Variants in ARMH3 observed in about 807,000 individuals in gnomAD.
The protein encoded by ARMH3 is armadillo-like helical domain-containing protein 3.
In ARMH3, 60 loss-of-function variants were observed where a neutral mutation model predicts 99.1. That is an observed-to-expected ratio of 0.61 (90% confidence interval 0.49 to 0.75). The LOEUF (loss-of-function observed/expected upper bound fraction) is 0.75, where lower values mean the gene tolerates loss of function less well. Ranked by LOEUF, ARMH3 falls within the 30% of genes least tolerant of loss-of-function variation. The pLI is 0.00. For synonymous variants in ARMH3, 285 were observed against 292.8 expected (o/e 0.97, Z 0.27); for missense variants, 679 against 843.1 (o/e 0.81, Z 2.41).
rs763849426 is a variant in ARMH3 at position 101,915,897 on chromosome 10, G to A, written c.1781+23966C>T. 2.8e-5 allele frequency among the ~76,000 whole-genome samples: 4 copies of A among 144,522 alleles called. 1 individual carries two copies. The highest frequency in any genetic ancestry group is 7.3e-5 in the Admixed American group (1 of 13,782). 94.8% of individuals were successfully genotyped at this position (144,522 alleles called of 152,430 possible). On this transcript the variant is annotated intron_variant, in intron 23 of 25. Coordinates refer to ENST00000370033, the MANE Select transcript of ARMH3 (RefSeq NM_024541.3). ...CGGCTCACTGCAAGCTCCACCTCCC[G>A]GGTTCATGCCATTCTCCTGCCTCAG...
chr10:102,032,445 G>A (rs577906444), intron 4 of ARMH3, among the ~76,000 whole-genome samples: 2 of 152,162 alleles, frequency 1.3e-5, no homozygotes, highest in African/African-American at 4.8e-5. Flanking sequence ...CTGTTGCCCA[G>A]GCTGGGGTGC....
chr10:101,918,635 T>C (rs1843181302), intron 23 of ARMH3, among the ~76,000 whole-genome samples: 1 of 152,224 alleles, frequency 6.6e-6, no homozygotes, highest in African/African-American at 2.4e-5. Context: ...AGCAACAGTA[T>C]GGCCTGATTA....
At chr10:102,029,384 G>C in intron 5 of ARMH3, 2 of 1,343,730 alleles carry the variant, frequency 1.5e-6, no homozygotes, top group Non-Finnish European at 2.0e-6. Flanking sequence ...ATGATCATAT[G>C]ATACGAGTAA....
intron 1 of ARMH3, among the ~76,000 whole-genome samples, chr10:102,055,232 G>C (rs990463482): frequency 6.6e-6 from 1 of 151,998 alleles, no homozygotes; most frequent in African/African-American, 2.4e-5. Context: ...CGGAGGCAGA[G>C]GTTGTGGTAA....
chr10:101,967,687 G>C (rs940770945), intron 20 of ARMH3, among the ~76,000 whole-genome samples: 2 of 152,110 alleles, frequency 1.3e-5, no homozygotes, highest in African/African-American at 4.8e-5. Context: ...CGGTGAGCTG[G>C]GATCGCGCCA....
chr10:101,979,562 G>T (rs1222597548), intron 19 of ARMH3, among the ~76,000 whole-genome samples: 1 of 152,070 alleles, frequency 6.6e-6, no homozygotes, highest in African/African-American at 2.4e-5. Context: ...ATTGAAAATG[G>T]TCTAAAATTA....
intron 22 of ARMH3, among the ~76,000 whole-genome samples, chr10:101,949,456 T>C (rs1160575384): frequency 6.6e-6 from 1 of 152,086 alleles, no homozygotes; most frequent in Non-Finnish European, 1.5e-5. Flanking sequence ...AACAACTGTA[T>C]GCCCCATAAA....
At chr10:101,956,510 G>C (rs1055262864) in intron 22 of ARMH3, 87 bp downstream of exon 22, 1 of 1,512,508 alleles carries the variant, frequency 6.6e-7, no homozygotes, top group Non-Finnish European at 9.0e-7. Flanking sequence ...CAAACAACTA[G>C]AGGAGAATCT....
intron 20 of ARMH3, among the ~76,000 whole-genome samples, chr10:101,969,551 T>C (rs943594601): frequency 1.2e-4 from 19 of 152,234 alleles, no homozygotes; most frequent in African/African-American, 4.6e-4. Context: ...CAAGAAGTCA[T>C]AGGCCTCTGC....
chr10:101,918,263 A>G (rs1479981864), intron 23 of ARMH3, among the ~76,000 whole-genome samples: 3 of 152,198 alleles, frequency 2.0e-5, no homozygotes, highest in Admixed American at 6.5e-5. Context: ...CATGTTGGCC[A>G]GGCTGGTCTC....
intron 23 of ARMH3, among the ~76,000 whole-genome samples, chr10:101,939,611 T>C (rs1405825315): frequency 1.3e-5 from 2 of 152,178 alleles, no homozygotes; most frequent in Admixed American, 1.3e-4. Flanking sequence ...CTAGCATGCC[T>C]GAAAAGGGCT....
chr10:101,867,134 GA>G (rs1476472694), intron 24 of ARMH3, among the ~76,000 whole-genome samples: 1 of 152,150 alleles, frequency 6.6e-6, no homozygotes, highest in Non-Finnish European at 1.5e-5. Flanking sequence ...GTCTTGAAAG[GA>G]AAAGAAAAAC....
chr10:101,864,078 AACACACACACAC>A, intron 24 of ARMH3, among the ~76,000 whole-genome samples: 1 of 106,284 alleles, frequency 9.4e-6, no homozygotes, highest in Admixed American at 1.1e-4. Flanking sequence ...AAAAAAAAAA[AACACACACACAC>A]ACACACACAC....
chr10:101,852,495 C>T (rs758981889), intron 24 of ARMH3, among the ~76,000 whole-genome samples: 2 of 152,248 alleles, frequency 1.3e-5, no homozygotes, highest in African/African-American at 4.8e-5. Context: ...GTGGCTCACG[C>T]CTGTAATCCC....
intron 19 of ARMH3, among the ~76,000 whole-genome samples, chr10:101,976,330 AC>A (rs1399210072): frequency 1.3e-5 from 2 of 150,512 alleles, no homozygotes; most frequent in Admixed American, 6.6e-5. Context: ...AAAGGGCAAG[AC>A]TGTCTCAAAA....
chr10:101,855,240 G>C (rs1332821302), intron 24 of ARMH3, among the ~76,000 whole-genome samples: 1 of 143,052 alleles, frequency 7.0e-6, no homozygotes, highest in Non-Finnish European at 1.5e-5. Context: ...GCTAATTTTT[G>C]TATTTTTAGT....
At chr10:101,983,963 G>T (rs557047692) in intron 19 of ARMH3, among the ~76,000 whole-genome samples, 2 of 152,218 alleles carry the variant, frequency 1.3e-5, no homozygotes, top group South Asian at 4.1e-4. Flanking sequence ...GAAAGCCAGG[G>T]GTAGTCTTAG....
chr10:101,902,548 C>T (rs940087657), intron 23 of ARMH3, among the ~76,000 whole-genome samples: 4 of 152,096 alleles, frequency 2.6e-5, no homozygotes, highest in Non-Finnish European at 5.9e-5. Flanking sequence ...ACAGCAGATG[C>T]ACGCACAGGC....
At chr10:101,985,078 TACACACAC>T (rs35926257) in intron 19 of ARMH3, among the ~76,000 whole-genome samples, 41 of 136,218 alleles carry the variant, frequency 3.0e-4, no homozygotes, top group African/African-American at 8.5e-4. Flanking sequence ...AAAATATATA[TACACACAC>T]ACACACACAC....
Sources: allele counts gnomAD v4.1 joint callset (sites outside exome capture counted in the v4.1 genomes callset), GRCh38; gene constraint gnomAD v4.1.1; transcripts MANE v1.5; gene names NCBI Gene and HGNC (gene_info 2026-07-23, HGNC 2026-07-21).